Variants in TLK2 observed in about 807,000 individuals in gnomAD.
TLK2 encodes the protein tousled like kinase 2, also known as serine/threonine-protein kinase tousled-like 2.
In TLK2, 6 loss-of-function variants were observed where a neutral mutation model predicts 117.3. That is an observed-to-expected ratio of 0.05 (90% confidence interval 0.03 to 0.10). The LOEUF (loss-of-function observed/expected upper bound fraction) is 0.10. Among genes scored for constraint, TLK2 ranks in the 10% least tolerant of loss-of-function variants. The pLI is 1.00. For synonymous variants in TLK2, 257 were observed against 316.7 expected, an observed-to-expected ratio of 0.81 and a Z score of 2.00; for missense variants, 299 against 901.2, an observed-to-expected ratio of 0.33 and a Z score of 8.56.
chr17:62,612,290 T>G, intron 21 of TLK2, 102 bp from the exon 22 acceptor site: 5 of 1,300,242 alleles, frequency 3.8e-6, no homozygotes, highest in African/African-American at 1.5e-5. Flanking sequence ...TCTCTTTAGT[T>G]GATATTTGCT....
In TLK2 at chr17:62,573,201, T is replaced by G. The variant is rs749655849; in HGVS notation, c.969-14T>G. The G allele has an allele frequency of 5.3e-5, 85 of 1,607,036 alleles. No homozygotes were observed. Among genetic ancestry groups the G allele is most frequent in the Non-Finnish European group, 7.0e-5 (82 of 1,176,674 alleles). ...TGACTTTCTTTCTTTGTACAACGTC[T>G]TTTATATCTCTAGGCAACAGGAAAG... is the stretch of plus-strand genomic sequence containing the variant. On this transcript the variant is annotated splice_polypyrimidine_tract_variant and intron_variant, in intron 11 of 21. Transcript: ENST00000346027.
chr17:62,536,132 T>C, intron 6 of TLK2, 38 bp from the exon 7 acceptor site: 1 of 1,595,668 alleles, frequency 6.3e-7, no homozygotes, highest in Non-Finnish European at 8.6e-7. Flanking sequence ...CAGATTATCT[T>C]TCTCATGTCA....
chr17:62,607,947 G>A (rs1433455052), intron 20 of TLK2, 94 bp from the exon 21 acceptor site: 7 of 1,003,708 alleles, frequency 7.0e-6, no homozygotes, highest in South Asian at 1.6e-5. Context: ...CAAATTAGAA[G>A]ATGTCTTATC....
intron 15 of TLK2, among the ~76,000 whole-genome samples, chr17:62,584,118 T>G (rs1159773968): frequency 7.3e-6 from 1 of 137,540 alleles, no homozygotes; most frequent in Non-Finnish European, 1.6e-5. Context: ...TTTTTTTTTT[T>G]TTTTTTTTTT....
chr17:62,606,750 G>A (rs2083332785), intron 20 of TLK2, among the ~76,000 whole-genome samples: 2 of 152,180 alleles, frequency 1.3e-5, no homozygotes, highest in Admixed American at 1.3e-4. Flanking sequence ...ATTTCAACAA[G>A]TGGTAAACTA....
At chr17:62,580,576 T>C (rs563325353) in intron 15 of TLK2, among the ~76,000 whole-genome samples, 1 of 152,340 alleles carries the variant, frequency 6.6e-6, no homozygotes, top group South Asian at 2.1e-4. Context: ...GAATAGGTTT[T>C]TTTCCATTGG....
Position 62,608,094 on chromosome 17 carries a change from T to G in TLK2, c.2025T>G (p.Leu675=), listed in dbSNP as rs778911531. Residue 675 remains leucine (L), a synonymous_variant, in exon 21 of 22, where the codon CTT becomes CTG. Coordinates refer to ENST00000346027, the MANE Select transcript of TLK2 (RefSeq NM_006852.6). ...QQDILQENTI[L]KATEVQFPPK... is the part of the protein sequence containing the mutation. ...ACATCCTACAAGAGAATACGATTCT[T>G]AAAGCTACTGAAGTGCAGTTCCCGC... The G allele has an allele frequency of 8.7e-6, 14 of 1,614,048 alleles. No individual in the cohort carries two copies. Among genetic ancestry groups the G allele is most frequent in the Non-Finnish European group, 1.2e-5 (14 of 1,180,008 alleles).
At chr17:62,531,707 A>G (rs1039419018) in intron 6 of TLK2, among the ~76,000 whole-genome samples, 1 of 151,744 alleles carries the variant, frequency 6.6e-6, no homozygotes, top group Non-Finnish European at 1.5e-5. Flanking sequence ...TAGAGATTTT[A>G]CCTCTTTTAT....
upstream of TLK2, among the ~76,000 whole-genome samples, chr17:62,476,260 G>A (rs1295370653): frequency 1.3e-5 from 2 of 152,028 alleles, no homozygotes; most frequent in African/African-American, 4.8e-5. Flanking sequence ...GATTACAGGC[G>A]TGAGCTACCG....
Position 62,481,224 on chromosome 17 carries a change from C to T in TLK2, c.81+18C>T, listed in dbSNP as rs1441757669. 3 of 1,612,894 alleles carry T rather than the reference C, an allele frequency of 1.9e-6. No individual in the cohort carries two copies. The highest frequency in any genetic ancestry group is 4.5e-5 in the East Asian group (2 of 44,856). On this transcript the variant is annotated intron_variant, in intron 2 of 21. Coordinates refer to ENST00000346027, the MANE Select transcript of TLK2 (RefSeq NM_006852.6). Reference sequence around the variant, plus strand: ...TTAGTAAGGTGAGTAAAATGATGATCATGAACACTATTCATATTCTAATTT... The same window carrying T: ...TTAGTAAGGTGAGTAAAATGATGATTATGAACACTATTCATATTCTAATTT...
At chr17:62,503,667 C>T (rs2074410388) in intron 2 of TLK2, among the ~76,000 whole-genome samples, 1 of 151,900 alleles carries the variant, frequency 6.6e-6, no homozygotes, top group East Asian at 1.9e-4. Flanking sequence ...GATCCTCCCG[C>T]CCCAGTCTCC....
intron 11 of TLK2, among the ~76,000 whole-genome samples, chr17:62,569,858 A>C (rs1241130605): frequency 6.6e-6 from 1 of 152,214 alleles, no homozygotes; most frequent in Non-Finnish European, 1.5e-5. Context: ...TGGGTAGTTT[A>C]AAGTAACAGA....
At chr17:62,558,206 G>T (rs2079004254) in intron 9 of TLK2, among the ~76,000 whole-genome samples, 1 of 147,710 alleles carries the variant, frequency 6.8e-6, no homozygotes, top group Non-Finnish European at 1.5e-5. Flanking sequence ...GTCTTGCTCT[G>T]TCTCCCAGGC....
At chr17:62,577,350 A>G (rs1259642867) in intron 13 of TLK2, among the ~76,000 whole-genome samples, 1 of 152,130 alleles carries the variant, frequency 6.6e-6, no homozygotes, top group African/African-American at 2.4e-5. Context: ...TTCTGTACAC[A>G]TCATAAGGCT....
intron 2 of TLK2, among the ~76,000 whole-genome samples, chr17:62,518,910 C>T (rs2075827461): frequency 6.6e-6 from 1 of 152,118 alleles, no homozygotes; most frequent in East Asian, 1.9e-4. Context: ...AAGGTCTTGG[C>T]TCTGTCACCC....
intron 7 of TLK2, among the ~76,000 whole-genome samples, chr17:62,542,023 C>G (rs2077571683): frequency 6.6e-6 from 1 of 152,146 alleles, no homozygotes. Flanking sequence ...CATAAAGATC[C>G]AGTAAGAAGG....
intron 19 of TLK2, among the ~76,000 whole-genome samples, chr17:62,602,980 G>T (rs1352585769): frequency 6.6e-6 from 1 of 152,032 alleles, no homozygotes; most frequent in Non-Finnish European, 1.5e-5. Flanking sequence ...GTTTTTTTTA[G>T]TCCAAATACA....
intron 2 of TLK2, among the ~76,000 whole-genome samples, chr17:62,486,411 C>T (rs1197209514): frequency 6.6e-5 from 10 of 151,990 alleles, no homozygotes; most frequent in African/African-American, 2.2e-4. Flanking sequence ...CCGCCCGCCT[C>T]GGCCTCCCAA....
intron 6 of TLK2, among the ~76,000 whole-genome samples, chr17:62,530,599 G>A (rs2076677977): frequency 6.6e-6 from 1 of 152,200 alleles, no homozygotes; most frequent in Admixed American, 6.5e-5. Flanking sequence ...TTTGGTGGTA[G>A]TGGTGTATGT....
Sources: gnomAD v4.1 joint callset for allele counts (sites outside exome capture counted in the v4.1 genomes callset) on GRCh38, gnomAD v4.1.1 for gene constraint, MANE v1.5 for transcripts, NCBI Gene and HGNC (gene_info 2026-07-23, HGNC 2026-07-21) for gene names.